XRN2: variants seen among roughly 807,000 people sequenced by gnomAD.
The protein encoded by XRN2 is 5'-3' exoribonuclease 2.
In XRN2, 44 loss-of-function variants were observed where a neutral mutation model predicts 138.5. The observed-to-expected ratio is 0.32, with a 90% confidence interval of 0.25 to 0.41. The LOEUF is 0.41. XRN2 is among the 10% of genes least tolerant of loss of function. The pLI is 1.00. For synonymous variants in XRN2, 354 were observed against 369.4 expected (o/e 0.96, Z 0.48); for missense variants, 937 against 1,169.3 (o/e 0.80, Z 2.90).
chr20:21,334,193 G>A lies in XRN2; in HGVS notation c.1233+8G>A. On this transcript the variant is annotated splice_region_variant and intron_variant, in intron 13 of 29. Coordinates refer to ENST00000377191, the MANE Select transcript of XRN2 (RefSeq NM_012255.5). ...AAGAGAAAGGATGATGAGGTAAAGT[G>A]TTTCTATTGCAGTAGCTAAAATTGC... 1 of 1,610,426 alleles carries A rather than the reference G, an allele frequency of 6.2e-7. No homozygotes were observed. The highest frequency in any genetic ancestry group is 1.3e-5 in the African/African-American group (1 of 74,954).
At position 21,382,064 on chromosome 20, in the gene XRN2, T is replaced by TA. The variant is rs1600721602; in HGVS notation, c.2648+7_2648+8insA. On this transcript the variant is annotated splice_region_variant and intron_variant, in intron 28 of 29. Coordinates refer to ENST00000377191, the MANE Select transcript of XRN2 (RefSeq NM_012255.5). ...AGCAGCAAAGGTTTGACAGGTAATATTAAAAGTAGACATGACTTTTAAATA... is the reference window on the plus strand; with the variant it reads ...AGCAGCAAAGGTTTGACAGGTAATATATAAAAGTAGACATGACTTTTAAATA... 1 of 1,490,648 alleles carries TA rather than the reference T, an allele frequency of 6.7e-7. No individual in the cohort carries two copies. 92.3% of individuals were successfully genotyped at this position (1,490,648 alleles called of 1,614,324 possible). A position where few individuals can be genotyped will look rare whatever the true frequency, so the allele number is the denominator to read the frequency against.
intron 20 of XRN2, among the ~76,000 whole-genome samples, chr20:21,353,108 C>G (rs2038529438): frequency 6.8e-6 from 1 of 146,918 alleles, no homozygotes; most frequent in South Asian, 2.1e-4. Flanking sequence ...GTAGAAAAGT[C>G]TTATTTTATA....
At chr20:21,361,329 C>T (rs932293428) in intron 24 of XRN2, among the ~76,000 whole-genome samples, 5 of 152,114 alleles carry the variant, frequency 3.3e-5, no homozygotes, top group Non-Finnish European at 7.4e-5. Context: ...GTGAGGTTAC[C>T]TATTAAGGAA....
chr20:21,349,999 C>A (rs1029146325), intron 20 of XRN2, among the ~76,000 whole-genome samples: 16 of 152,148 alleles, frequency 1.1e-4, no homozygotes, highest in African/African-American at 3.9e-4. Flanking sequence ...CTGAGAAATA[C>A]AGAAACACAG....
intron 9 of XRN2, 103 bp downstream of exon 9, chr20:21,332,543 TTAAA>T: frequency 1.8e-6 from 2 of 1,104,402 alleles, no homozygotes; most frequent in Non-Finnish European, 2.4e-6. Flanking sequence ...AAGTATACAA[TTAAA>T]TAGCATTAAA....
chr20:21,331,639 G>C lies in XRN2; in HGVS notation c.649+6G>C, dbSNP rs1409300477. 1.2e-6 allele frequency: 2 copies of C among 1,610,616 alleles called. No individual in the cohort carries two copies. The highest frequency in any genetic ancestry group is 2.7e-5 in the African/African-American group (2 of 74,736). ...TTACATTAGAAGGCAAAGAGGTAAA[G>C]CTTACTTACCAATATTTGATTATAT... On this transcript the variant is annotated splice_donor_region_variant and intron_variant, in intron 7 of 29. Coordinates refer to ENST00000377191, the MANE Select transcript of XRN2 (RefSeq NM_012255.5).
intron 20 of XRN2, among the ~76,000 whole-genome samples, chr20:21,352,633 A>G (rs1404124064): frequency 6.6e-6 from 1 of 152,000 alleles, no homozygotes; most frequent in African/African-American, 2.4e-5. Context: ...ACCCGGCCCA[A>G]CACACGTAAT....
At position 21,344,092 on chromosome 20, in the gene XRN2, T is replaced by A. The variant is rs772265637; in HGVS notation, c.1413T>A (p.Ser471Arg). The change falls in exon 16 of 30, where the codon AGT becomes AGA. Residue 471 changes from serine (S) to arginine (R), a missense_variant and splice_region_variant. By Grantham distance (110) the Ser-to-Arg change is moderately radical. Transcript: ENST00000377191. ...TGTAATGTCATCATTGTCTGCAGAGTCCTTCGATATCTCCTAATACGAGTT... is the reference window on the plus strand; with the variant it reads ...TGTAATGTCATCATTGTCTGCAGAGACCTTCGATATCTCCTAATACGAGTT... Reference protein sequence around the residue: ...AYEMRMQNNSSPSISPNTSFT... With the variant: ...AYEMRMQNNSRPSISPNTSFT... The A allele has an allele frequency of 1.2e-6, 2 of 1,604,496 alleles. No homozygotes were observed. The highest frequency in any genetic ancestry group is 1.3e-5 in the African/African-American group (1 of 74,704).
At chr20:21,380,473 A>G (rs1363131571) in intron 27 of XRN2, among the ~76,000 whole-genome samples, 2 of 152,214 alleles carry the variant, frequency 1.3e-5, no homozygotes, top group Non-Finnish European at 2.9e-5. Flanking sequence ...TTATCTCTTC[A>G]GAAAATTGAT....
At chr20:21,368,638 A>G (rs765934712) in intron 27 of XRN2, 48 bp downstream of exon 27, 18 of 1,603,212 alleles carry the variant, frequency 1.1e-5, no homozygotes, top group Non-Finnish European at 1.4e-5. Context: ...TAAATATCAC[A>G]GCAAATGTTG....
Position 21,303,393 on chromosome 20 carries a change from G to A in XRN2, c.-6G>A, listed in dbSNP as rs1011575523. On this transcript the variant is annotated 5_prime_UTR_variant, in exon 1 of 30. Transcript: ENST00000377191. ...GGTCGGCCGCCGCCTCCAGCCGTGTGCCGCTATGGGAGTCCCGGCGTTCTT... is the reference window on the plus strand; with the variant it reads ...GGTCGGCCGCCGCCTCCAGCCGTGTACCGCTATGGGAGTCCCGGCGTTCTT... The A allele has an allele frequency of 3.2e-6, 5 of 1,547,350 alleles. No homozygotes were observed. The highest frequency in any genetic ancestry group is 2.8e-5 in the African/African-American group (2 of 72,230).
chr20:21,357,832 G>A lies in XRN2; in HGVS notation c.2255+40G>A. 2.6e-6 allele frequency: 4 copies of A among 1,538,690 alleles called. No homozygotes were observed. The South Asian group carries it at 5.0e-5, about 19-fold the overall frequency. On this transcript the variant is annotated intron_variant, in intron 24 of 29. Coordinates refer to ENST00000377191, the MANE Select transcript of XRN2 (RefSeq NM_012255.5). ...ATTCATGGCATTCACCCAGAACACA[G>A]CTCTGAACTTGCAAATCCATTTTAA...
intron 1 of XRN2, 88 bp downstream of exon 1, chr20:21,303,561 G>C (rs931877654): frequency 7.0e-7 from 1 of 1,419,668 alleles, no homozygotes; most frequent in Non-Finnish European, 9.2e-7. Flanking sequence ...GCCTGCCCCC[G>C]GGGAGCCTTG....
At chr20:21,346,760 C>T (rs1458462573) in intron 17 of XRN2, among the ~76,000 whole-genome samples, 1 of 152,082 alleles carries the variant, frequency 6.6e-6, no homozygotes, top group Admixed American at 6.5e-5. Context: ...GCTAGGATTA[C>T]AGAGCGCACC....
rs1337991913 is a variant in XRN2, at chr20:21,349,575, T to C, written c.1936+114T>C. The C allele has an allele frequency of 4.3e-6, 4 of 928,276 alleles. No homozygotes were observed. The East Asian group carries it at 1.0e-4, about 24-fold the overall frequency. The allele number at this position is 928,276 out of a possible 1,614,324, so 57.5% of individuals were successfully genotyped here. A position where few individuals can be genotyped will look rare whatever the true frequency, so the allele number is the denominator to read the frequency against. On this transcript the variant is annotated intron_variant, in intron 20 of 29. Coordinates refer to ENST00000377191, the MANE Select transcript of XRN2 (RefSeq NM_012255.5). ...CTGGGCAACATGGTGAAATCTCATT[T>C]CTACAAAAAATACAAAAATTAGCCT...
chr20:21,388,202 C>T (rs950712801), intron 29 of XRN2, among the ~76,000 whole-genome samples: 2 of 152,178 alleles, frequency 1.3e-5, no homozygotes, highest in Non-Finnish European at 2.9e-5. Flanking sequence ...AAACCCCACA[C>T]GGTTCAGCAG....
At chr20:21,355,236 C>A (rs886616758) in intron 21 of XRN2, among the ~76,000 whole-genome samples, 2 of 152,142 alleles carry the variant, frequency 1.3e-5, no homozygotes, top group African/African-American at 4.8e-5. Context: ...CCTCCTTTCT[C>A]CCCAGTAATA....
At chr20:21,316,063 G>A (rs997983130) in intron 1 of XRN2, among the ~76,000 whole-genome samples, 1 of 152,098 alleles carries the variant, frequency 6.6e-6, no homozygotes, top group Non-Finnish European at 1.5e-5. Context: ...GACCAGCCTG[G>A]CCAACATGGT....
Position 21,353,131 on chromosome 20 carries a change from TTAATATA to T in XRN2, c.1937-1651_1937-1645del, listed in dbSNP as rs1600702147. Reference sequence around the variant, plus strand: ...GTCTTATTTTATATATGTATAATATTTAATATATAATATTTAATATTTAATATATAAT... The same window carrying T: ...GTCTTATTTTATATATGTATAATATTTAATATTTAATATTTAATATATAAT... On this transcript the variant is annotated intron_variant, in intron 20 of 29. Transcript: ENST00000377191. 2.0e-5 allele frequency among the ~76,000 whole-genome samples: 3 copies of T among 146,606 alleles called. No homozygotes were observed. In the East Asian group the frequency reaches 5.8e-4, roughly 29 times the overall value.
Sources: gnomAD v4.1 joint callset for allele counts (sites outside exome capture counted in the v4.1 genomes callset) on GRCh38, gnomAD v4.1.1 for gene constraint, MANE v1.5 for transcripts, NCBI Gene and HGNC (gene_info 2026-07-23, HGNC 2026-07-21) for gene names.